AP2A1: variants seen among roughly 807,000 people sequenced by gnomAD.
The protein encoded by AP2A1 is AP-2 complex subunit alpha-1.
In AP2A1, 21 loss-of-function variants were observed where a neutral mutation model predicts 107.3. The observed-to-expected ratio is 0.20, with a 90% CI of 0.14 to 0.28. The LOEUF is 0.28. AP2A1 is among the 10% of genes least tolerant of loss of function. AP2A1 has a pLI of 1.00. For synonymous variants in AP2A1, 602 were observed against 564.8 expected (o/e 1.07, Z -0.93); for missense variants, 873 against 1,307.7 (o/e 0.67, Z 5.13).
rs768163599 is a variant in AP2A1, at chr19:49,795,750, C to T, written c.814+12C>T. The T allele has an allele frequency of 7.3e-5, 111 of 1,529,530 alleles. No homozygotes were observed. The highest frequency in any genetic ancestry group is 1.7e-4 in the Middle Eastern group (1 of 5,970). 94.7% of individuals were successfully genotyped at this position (1,529,530 alleles called of 1,614,324 possible). A position where few individuals can be genotyped will look rare whatever the true frequency, so the allele number is the denominator to read the frequency against. Reference sequence around the variant, plus strand: ...CTACCCGCCTCCAGGTAATGAACGCCGTGCACTCCCCAACCCGGGGTGGCC... The same window carrying T: ...CTACCCGCCTCCAGGTAATGAACGCTGTGCACTCCCCAACCCGGGGTGGCC... On this transcript the variant is annotated intron_variant, in intron 7 of 22. Transcript: ENST00000354293.
intron 7 of AP2A1, chr19:49,796,849 G>T (rs1353365178): frequency 6.6e-6 from 1 of 151,712 alleles, no homozygotes; most frequent in Non-Finnish European, 1.5e-5. Context: ...GTGCATGCCT[G>T]TGTGTGCGTG....
intron 1 of AP2A1, among the ~76,000 whole-genome samples, chr19:49,774,966 G>A (rs1181840357): frequency 1.3e-5 from 2 of 151,316 alleles, no homozygotes; most frequent in Non-Finnish European, 2.9e-5. Context: ...GCTCACGCCT[G>A]TAATCCCAGC....
rs976140273 is a variant in AP2A1, at chr19:49,767,083, C to G, written c.-51C>G. On this transcript the variant is annotated 5_prime_UTR_variant, in exon 1 of 23. Coordinates refer to ENST00000354293, the MANE Select transcript of AP2A1 (RefSeq NM_130787.3). ...CGCCCGGTCCCCGCTTGCCAGCCCC[C>G]GCTGCTCTGTGCCCTGTCCGGCCAG... 262 of 1,594,604 alleles carry G rather than the reference C, an allele frequency of 1.6e-4. No homozygotes were observed. Among genetic ancestry groups the G allele is most frequent in the Non-Finnish European group, 2.1e-4 (251 of 1,172,780 alleles).
chr19:49,798,971 C>G lies in AP2A1; in HGVS notation c.965+19C>G, dbSNP rs974526945. On this transcript the variant is annotated intron_variant, in intron 8 of 22. Coordinates refer to ENST00000354293, the MANE Select transcript of AP2A1 (RefSeq NM_130787.3). ...ATGACAGGTGCCCGCCTGGGCCTAT[C>G]AGGGCCTGATGCCTGGGGCCAGGAA... 61 of 1,551,762 alleles carry G rather than the reference C, an allele frequency of 3.9e-5. No homozygotes were observed. The highest frequency in any genetic ancestry group is 5.0e-5 in the Non-Finnish European group (57 of 1,146,970).
At position 49,802,105 on chromosome 19, in the gene AP2A1, C is replaced by G; in HGVS notation, c.2078C>G (p.Pro693Arg). The G allele has an allele frequency of 2.5e-6, 4 of 1,589,812 alleles. No homozygotes were observed. The highest frequency in any genetic ancestry group is 3.4e-6 in the Non-Finnish European group (4 of 1,174,170). ...GTCTTCGATGGCCCGGCCGCCCAGC[C>G]CAGCCTGGGGCCCACCCCCGAGGAG... ...VDVFDGPAAQ[P>R]SLGPTPEEAF... The change falls in exon 15 of 23, where the codon CCC (proline) becomes CGC (arginine). Residue 693 changes from proline (P) to arginine (R), a missense_variant. Transcript: ENST00000354293.
intron 7 of AP2A1, 55 bp from the exon 8 acceptor site, chr19:49,798,747 A>T (rs1795249074): frequency 1.3e-6 from 2 of 1,568,190 alleles, no homozygotes; most frequent in South Asian, 1.2e-5. Flanking sequence ...CCACCCCAGC[A>T]GGTGTGCCAG....
intron 1 of AP2A1, among the ~76,000 whole-genome samples, chr19:49,778,412 G>A (rs1026234498): frequency 2.0e-5 from 3 of 152,040 alleles, no homozygotes; most frequent in Non-Finnish European, 2.9e-5. Flanking sequence ...GTGAAACCTC[G>A]TCTCTACTAA....
rs1446988089 is a variant in AP2A1, at chr19:49,785,904, G to A, written c.473+3180G>A. Among the ~76,000 whole-genome samples, 3 of 151,458 alleles carry A rather than the reference G, an allele frequency of 2.0e-5. No homozygotes were observed. Among genetic ancestry groups the A allele is most frequent in the African/African-American group, 4.9e-5 (2 of 41,182 alleles). ...TGCACTCCAGCCTGGGTGACAGAGC[G>A]AGACTCCATCTCAAAAAAAAAAAAC... On this transcript the variant is annotated intron_variant, in intron 4 of 22. Coordinates refer to ENST00000354293, the MANE Select transcript of AP2A1 (RefSeq NM_130787.3). The surrounding 1 kb of genome is among the most constrained non-coding windows in gnomAD (Gnocchi z 4.1).
Position 49,767,034 on chromosome 19 carries a change from C to G in AP2A1, c.-100C>G. 1.5e-6 allele frequency: 2 copies of G among 1,302,732 alleles called. No homozygotes were observed. Among genetic ancestry groups the G allele is most frequent in the Non-Finnish European group, 2.0e-6 (2 of 988,732 alleles). 80.7% of individuals were successfully genotyped at this position (1,302,732 alleles called of 1,614,324 possible). On this transcript the variant is annotated 5_prime_UTR_variant, in exon 1 of 23. Coordinates refer to ENST00000354293, the MANE Select transcript of AP2A1 (RefSeq NM_130787.3). ...GCCCTCCCCGCGGCCGGCTCGGCTC[C>G]TTGGCGCTGCCTGGGGTCCTTTCCG...
chr19:49,804,869 C>T (rs1429309578), intron 18 of AP2A1: 1 of 152,150 alleles, frequency 6.6e-6, no homozygotes, highest in African/African-American at 2.4e-5. Flanking sequence ...GCGTGAGCCG[C>T]CACACCCGGC....
rs764642513 is a variant in AP2A1, at chr19:49,782,724, G to C, written c.473G>C (p.Gly158Ala). The C allele has an allele frequency of 6.3e-7, 1 of 1,598,236 alleles. No individual in the cohort carries two copies. The highest frequency in any genetic ancestry group is 8.5e-7 in the Non-Finnish European group (1 of 1,175,404). Residue 158 changes from glycine (G) to alanine (A), a missense_variant and splice_region_variant, in exon 4 of 23, where the codon GGG (glycine) becomes GCG (alanine). This residue lies in a region of AP2A1 where 157 missense variants were observed against 212.6 expected (regional missense o/e 0.74). Transcript: ENST00000354293. ...GACATCCCCCGCATCCTGGTGGCCG[G>C]GTAAGGCACTGGGGACCCGTTGGCA... ...AADIPRILVA[G>A]DSMDSVKQSA...
Position 49,767,043 on chromosome 19 carries a change from G to C in AP2A1, c.-91G>C, listed in dbSNP as rs960393380. The C allele has an allele frequency of 5.0e-6, 7 of 1,400,560 alleles. No individual in the cohort carries two copies. Among genetic ancestry groups the C allele is most frequent in the Non-Finnish European group, 5.7e-6 (6 of 1,051,728 alleles). 86.8% of individuals were successfully genotyped at this position (1,400,560 alleles called of 1,614,324 possible). On this transcript the variant is annotated 5_prime_UTR_variant, in exon 1 of 23. Coordinates refer to ENST00000354293, the MANE Select transcript of AP2A1 (RefSeq NM_130787.3). ...GCGGCCGGCTCGGCTCCTTGGCGCTGCCTGGGGTCCTTTCCGCCCGGTCCC... is the reference window on the plus strand; with the variant it reads ...GCGGCCGGCTCGGCTCCTTGGCGCTCCCTGGGGTCCTTTCCGCCCGGTCCC...
In AP2A1 at chr19:49,791,045, A is replaced by G. The variant is rs749518013; in HGVS notation, c.474-890A>G. Among the ~76,000 whole-genome samples, 116 of 152,186 alleles carry G rather than the reference A, an allele frequency of 7.6e-4. No homozygotes were observed. The Middle Eastern group carries it at 0.01, about 13-fold the overall frequency. ...TGGCTCTCTGTTCCCTCCCTGTCCT[A>G]TCTGCAGCCCTCCTGCCCCATGGCT... On this transcript the variant is annotated intron_variant, in intron 4 of 22. Coordinates refer to ENST00000354293, the MANE Select transcript of AP2A1 (RefSeq NM_130787.3).
At chr19:49,767,986 A>G (rs913418670) in intron 1 of AP2A1, among the ~76,000 whole-genome samples, 2 of 152,142 alleles carry the variant, frequency 1.3e-5, no homozygotes, top group Admixed American at 1.3e-4. Flanking sequence ...ACGGGGGGCC[A>G]GGAAAGAAGA....
intron 18 of AP2A1, 113 bp downstream of exon 18, chr19:49,803,489 A>C: frequency 1.2e-6 from 1 of 830,940 alleles, no homozygotes. Flanking sequence ...TGGGCACGCA[A>C]TTAGTTCTCT....
At chr19:49,787,337 T>C (rs1363599846) in intron 4 of AP2A1, among the ~76,000 whole-genome samples, 1 of 106,548 alleles carries the variant, frequency 9.4e-6, no homozygotes, top group Non-Finnish European at 1.8e-5. Flanking sequence ...TTTTTTTGTT[T>C]GTTTTTTTTG....
chr19:49,806,381 G>A (rs1230342470), intron 22 of AP2A1, 128 bp downstream of exon 22: 16 of 1,437,202 alleles, frequency 1.1e-5, no homozygotes, highest in Admixed American at 5.6e-5. Flanking sequence ...ACATTTCTTT[G>A]TCCACTTTTA....
In AP2A1 at chr19:49,782,587, C is replaced by T. The variant is rs771772309; in HGVS notation, c.336C>T (p.Ile112=). Residue 112 remains isoleucine (I), a synonymous_variant, in exon 4 of 23, where the codon ATC becomes ATT. Coordinates refer to ENST00000354293, the MANE Select transcript of AP2A1 (RefSeq NM_130787.3). ...VNSNSELIRL[I]NNAIKNDLAS... Reference sequence around the variant, plus strand: ...CGAACTCGGAGCTGATCCGCCTCATCAACAACGCCATCAAGAATGACCTGG... The same window carrying T: ...CGAACTCGGAGCTGATCCGCCTCATTAACAACGCCATCAAGAATGACCTGG... The T allele has an allele frequency of 1.2e-6, 2 of 1,613,930 alleles. No individual in the cohort carries two copies. Among genetic ancestry groups the T allele is most frequent in the Admixed American group, 3.3e-5 (2 of 60,008 alleles).
At position 49,767,060 on chromosome 19, in the gene AP2A1, C is replaced by T. The variant is rs1205442453; in HGVS notation, c.-74C>T. 2 of 1,497,168 alleles carry T rather than the reference C, an allele frequency of 1.3e-6. No individual in the cohort carries two copies. The highest frequency in any genetic ancestry group is 8.9e-7 in the Non-Finnish European group (1 of 1,120,302). 92.7% of individuals were successfully genotyped at this position (1,497,168 alleles called of 1,614,324 possible). A position where few individuals can be genotyped will look rare whatever the true frequency, so the allele number is the denominator to read the frequency against. ...TTGGCGCTGCCTGGGGTCCTTTCCG[C>T]CCGGTCCCCGCTTGCCAGCCCCCGC... On this transcript the variant is annotated 5_prime_UTR_variant, in exon 1 of 23. Transcript: ENST00000354293.
Sources: gnomAD v4.1 joint callset for allele counts (sites outside exome capture counted in the v4.1 genomes callset) on GRCh38, gnomAD v4.1.1 for gene constraint, gnomAD v4.1.1 regional missense constraint, Gnocchi (gnomAD v3.1) non-coding constraint, MANE v1.5 for transcripts, NCBI Gene and HGNC (gene_info 2026-07-23, HGNC 2026-07-21) for gene names.